Variants in POMT2 observed in about 807,000 individuals in gnomAD.
POMT2 encodes the protein protein O-mannosyltransferase 2.
POMT2 carries 75 observed loss-of-function variants against 100.0 expected under a neutral mutation model. That is an observed-to-expected ratio of 0.75 (90% CI 0.62 to 0.91). POMT2 has a LOEUF of 0.91. POMT2 is among the 40% of genes least tolerant of loss of function. The probability of loss-of-function intolerance (pLI) is 0.00; values close to 1 mark genes in which losing one functional copy is unlikely to be tolerated. For missense variants in POMT2, 940 were observed against 955.1 expected (o/e 0.98, Z 0.21); for synonymous variants, 378 against 374.1 (o/e 1.01, Z -0.12).
chr14:77,278,483 C>A lies in POMT2; in HGVS notation c.2058G>T (p.Arg686=), dbSNP rs751651828. The A allele has an allele frequency of 2.3e-5, 35 of 1,495,432 alleles. No individual in the cohort carries two copies. In the South Asian group the frequency reaches 4.1e-4, roughly 17 times the overall value. The allele number at this position is 1,495,432 out of a possible 1,614,324, so 92.6% of individuals were successfully genotyped here. Residue 686 remains arginine, a synonymous_variant, in exon 20 of 21, where the codon CGG becomes CGT. Coordinates refer to ENST00000261534, the MANE Select transcript of POMT2 (RefSeq NM_013382.7). The part of the protein sequence containing the change: ...LTGILWDTLL[R]LCAWGLASWP... ...ATGAGGCCAAGCCCCAGGCACAGAG[C>A]CGCAGGAGGGTGTCCCACAGAATGC...
At chr14:77,288,488 T>C (rs1277965231) in intron 11 of POMT2, among the ~76,000 whole-genome samples, 3 of 152,020 alleles carry the variant, frequency 2.0e-5, no homozygotes, top group African/African-American at 7.2e-5. Context: ...CTGGGTAACA[T>C]AGTGAGACTC....
intron 1 of POMT2, chr14:77,312,440 G>A: frequency 5.5e-6 from 1 of 182,224 alleles, no homozygotes; most frequent in South Asian, 1.1e-4. Context: ...GAGGCAGGCG[G>A]ATCACGAAGT....
chr14:77,310,233 TG>T (rs1286087848), intron 2 of POMT2, among the ~76,000 whole-genome samples: 3 of 152,230 alleles, frequency 2.0e-5, no homozygotes. Context: ...TGAGGCACTG[TG>T]GTGTCATGAT....
intron 13 of POMT2, 66 bp downstream of exon 13, chr14:77,285,415 T>C: frequency 6.3e-7 from 1 of 1,597,670 alleles, no homozygotes; most frequent in Non-Finnish European, 8.6e-7. Context: ...GCTTCTGGCA[T>C]ACTCCTTGTA....
chr14:77,315,649 C>T (rs1891596898), intron 1 of POMT2, among the ~76,000 whole-genome samples: 1 of 152,168 alleles, frequency 6.6e-6, no homozygotes, highest in Non-Finnish European at 1.5e-5. Context: ...TGATCCTGTC[C>T]TCTCCTGGTG....
At chr14:77,280,290 C>T (rs1037865383) in intron 16 of POMT2, 102 bp downstream of exon 16, 115 of 1,577,928 alleles carry the variant, frequency 7.3e-5, no homozygotes, top group Non-Finnish European at 8.9e-5. Context: ...CCAGGAGGCC[C>T]CTCGCCCTGC....
At chr14:77,285,305 C>G (rs1326648761) in intron 13 of POMT2, 176 bp downstream of exon 13, 9 of 855,000 alleles carry the variant, frequency 1.1e-5, no homozygotes, top group Non-Finnish European at 1.6e-5. Context: ...AACACCGAAG[C>G]TCCCCCGGAG....
At chr14:77,314,248 T>G (rs542848809) in intron 1 of POMT2, among the ~76,000 whole-genome samples, 2 of 152,252 alleles carry the variant, frequency 1.3e-5, no homozygotes, top group East Asian at 3.9e-4. Flanking sequence ...AAACAGCAGA[T>G]TCCCTAAGCT....
chr14:77,302,608 C>T (rs568840931), intron 5 of POMT2, among the ~76,000 whole-genome samples: 3 of 152,248 alleles, frequency 2.0e-5, no homozygotes, highest in Admixed American at 6.5e-5. Flanking sequence ...GACATTTTCT[C>T]GGTCTTGAAT....
chr14:77,284,826 TAAC>T, intron 14 of POMT2, 121 bp downstream of exon 14: 2 of 832,780 alleles, frequency 2.4e-6, no homozygotes, highest in Non-Finnish European at 4.0e-6. Context: ...AAGAGAGTGT[TAAC>T]AAGGAACAAA....
intron 1 of POMT2, among the ~76,000 whole-genome samples, chr14:77,315,008 C>T (rs1299882382): frequency 1.3e-5 from 2 of 152,168 alleles, no homozygotes; most frequent in Non-Finnish European, 2.9e-5. Flanking sequence ...AAAGGTTGGG[C>T]TGAGGTTTCC....
At chr14:77,298,798 A>C (rs1365218427) in intron 7 of POMT2, 27 bp from the exon 8 acceptor site, 16 of 1,598,572 alleles carry the variant, frequency 1.0e-5, no homozygotes, top group Admixed American at 1.7e-5. Context: ...AGCAGAAGAG[A>C]GTCAAGTTAA....
chr14:77,283,652 A>G, intron 15 of POMT2, 145 bp downstream of exon 15: 2 of 777,812 alleles, frequency 2.6e-6, no homozygotes, highest in Admixed American at 3.7e-5. Flanking sequence ...AATGCCTTTG[A>G]GGATCACAGA....
intron 10 of POMT2, among the ~76,000 whole-genome samples, chr14:77,290,337 T>A (rs1890590954): frequency 6.6e-6 from 1 of 152,186 alleles, no homozygotes; most frequent in Admixed American, 6.5e-5. Context: ...ATATCCATTA[T>A]AAAAGTATAG....
intron 2 of POMT2, 77 bp downstream of exon 2, chr14:77,311,872 C>A: frequency 6.4e-7 from 1 of 1,554,142 alleles, no homozygotes; most frequent in Non-Finnish European, 8.7e-7. Flanking sequence ...AGCCCCAAAT[C>A]CAAAATCAAG....
intron 5 of POMT2, among the ~76,000 whole-genome samples, chr14:77,302,087 C>A (rs1176795334): frequency 1.3e-5 from 2 of 152,182 alleles, no homozygotes; most frequent in African/African-American, 4.8e-5. Context: ...AGTCACTGAT[C>A]AGGTTTGATT....
At chr14:77,299,699 T>A in intron 6 of POMT2, 138 bp from the exon 7 acceptor site, 5 of 673,008 alleles carry the variant, frequency 7.4e-6, no homozygotes, top group East Asian at 3.0e-5. Context: ...GAAGAATATG[T>A]GGAAACCCTA....
rs116291606 is a variant in POMT2 at position 77,286,073 on chromosome 14, G to T, written c.1333-441C>A. ...CTGGCTATTGCACTTTGGAAATTAA[G>T]ACATGTATGTCTAATTCTTCTCAGA... is the stretch of plus-strand genomic sequence containing the variant. On this transcript the variant is annotated intron_variant, in intron 12 of 20. Transcript: ENST00000261534. Among the ~76,000 whole-genome samples, 734 of 152,312 alleles carry T rather than the reference G, an allele frequency of 4.8e-3. 9 individuals carry two copies. The highest frequency in any genetic ancestry group is 0.017 in the African/African-American group (712 of 41,574).
rs770116643 is a variant in POMT2, at chr14:77,306,449, G to C, written c.334-8C>G. 1.2e-6 allele frequency: 2 copies of C among 1,611,730 alleles called. No individual in the cohort carries two copies. The highest frequency in any genetic ancestry group is 1.7e-6 in the Non-Finnish European group (2 of 1,178,054). Reference sequence around the variant, plus strand: ...AGCAAGACCTATCAGCATCTGAGGAGAGAAGAACAAACAAAAAGATGAGAA... The same window carrying C: ...AGCAAGACCTATCAGCATCTGAGGACAGAAGAACAAACAAAAAGATGAGAA... On this transcript the variant is annotated splice_polypyrimidine_tract_variant and splice_region_variant and intron_variant, in intron 2 of 20. Coordinates refer to ENST00000261534, the MANE Select transcript of POMT2 (RefSeq NM_013382.7).
Sources: allele counts gnomAD v4.1 joint callset (sites outside exome capture counted in the v4.1 genomes callset), GRCh38; gene constraint gnomAD v4.1.1; transcripts MANE v1.5; gene names NCBI Gene and HGNC (gene_info 2026-07-23, HGNC 2026-07-21).